Variants in ERC2 observed in about 807,000 individuals in gnomAD.
The protein encoded by ERC2 is ELKS/RAB6-interacting/CAST family member 2.
Under a neutral mutation model 114.8 loss-of-function variants are expected in ERC2, and 42 were observed. The ratio of observed to expected loss-of-function variants is 0.37; its 90% CI spans 0.29 to 0.47. ERC2 has a LOEUF of 0.47. Among genes scored for constraint, ERC2 ranks in the 20% least tolerant of loss-of-function variants. The probability of loss-of-function intolerance (pLI) is 0.99; values close to 1 mark genes in which losing one functional copy is unlikely to be tolerated. For synonymous variants in ERC2, 454 were observed against 425.5 expected, an observed-to-expected ratio of 1.07 and a Z score of -0.82; for missense variants, 939 against 1,150.7, an observed-to-expected ratio of 0.82 and a Z score of 2.66.
At chr3:55,865,355 T>C (rs2062251691) in intron 14 of ERC2, among the ~76,000 whole-genome samples, 1 of 152,200 alleles carries the variant, frequency 6.6e-6, no homozygotes, top group South Asian at 2.1e-4. Context: ...TCATTTTATA[T>C]ATATTCTCCT....
chr3:55,523,730 C>T (rs1394014128), intron 17 of ERC2, among the ~76,000 whole-genome samples: 1 of 152,180 alleles, frequency 6.6e-6, no homozygotes, highest in African/African-American at 2.4e-5. Flanking sequence ...ACACAGTGGG[C>T]ATGCAATAAA....
Position 56,434,679 on chromosome 3 carries a change from G to A in ERC2, c.329C>T (p.Ser110Phe). Reference sequence around the variant, plus strand: ...TGTGTATGAAAGGACATCTGTGTGGGAAAGTCCAGCAGAAGCAATATTGGG... The same window carrying A: ...TGTGTATGAAAGGACATCTGTGTGGAAAAGTCCAGCAGAAGCAATATTGGG... ...SSPNIASAGL[S>F]HTDVLSYTDQ... Residue 110 changes from serine (S) to phenylalanine (F), a missense_variant, in exon 2 of 18, where the codon TCC (serine) becomes TTC (phenylalanine). Ser to Phe is a radical substitution (Grantham distance 155). This residue lies in a region of ERC2 where 281 missense variants were observed against 307.4 expected (regional missense o/e 0.91). Transcript: ENST00000288221. The A allele has an allele frequency of 6.2e-7, 1 of 1,613,974 alleles. No individual in the cohort carries two copies. The highest frequency in any genetic ancestry group is 1.1e-5 in the South Asian group (1 of 91,078).
At chr3:55,665,330 A>C (rs144489150) in intron 17 of ERC2, among the ~76,000 whole-genome samples, 15 of 152,270 alleles carry the variant, frequency 9.9e-5, no homozygotes, top group African/African-American at 3.4e-4. Flanking sequence ...TGATTCATAG[A>C]ATCTTGTTAT....
chr3:55,837,263 C>T (rs1575783789), intron 14 of ERC2, among the ~76,000 whole-genome samples: 3 of 152,172 alleles, frequency 2.0e-5, no homozygotes, highest in African/African-American at 4.8e-5. Flanking sequence ...GGTATATACC[C>T]AAAGGATTAT....
chr3:56,429,130 T>C (rs1024339660), intron 2 of ERC2, among the ~76,000 whole-genome samples: 30 of 152,236 alleles, frequency 2.0e-4, no homozygotes, highest in African/African-American at 7.0e-4. Context: ...TAAAAAGATG[T>C]ATTCACTCCT....
chr3:55,873,822 G>C (rs932083802), intron 14 of ERC2, among the ~76,000 whole-genome samples: 1 of 152,064 alleles, frequency 6.6e-6, no homozygotes, highest in Non-Finnish European at 1.5e-5. Context: ...CACATCTCAG[G>C]GTGCCTTCAG....
At chr3:55,786,273 T>A (rs530279179) in intron 14 of ERC2, among the ~76,000 whole-genome samples, 1 of 152,350 alleles carries the variant, frequency 6.6e-6, no homozygotes, top group East Asian at 1.9e-4. Context: ...CTATATATTT[T>A]AGAAAATATT....
intron 1 of ERC2, among the ~76,000 whole-genome samples, chr3:56,454,572 T>G (rs72875366): frequency 0.039 from 5,972 of 152,162 alleles, 277 homozygotes; most frequent in African/African-American, 0.11. Flanking sequence ...AGTATACACA[T>G]AAAATGGAAT....
At chr3:56,301,855 G>A (rs1397016619) in intron 2 of ERC2, among the ~76,000 whole-genome samples, 1 of 152,148 alleles carries the variant, frequency 6.6e-6, no homozygotes, top group African/African-American at 2.4e-5. Flanking sequence ...GAGGAGAGTA[G>A]TAATTCCTTC....
At chr3:55,664,504 C>T (rs950346131) in intron 17 of ERC2, among the ~76,000 whole-genome samples, 2 of 152,202 alleles carry the variant, frequency 1.3e-5, no homozygotes, top group Non-Finnish European at 2.9e-5. Context: ...GCTCACGAAC[C>T]GCCATCGCTG....
At chr3:55,674,034 G>A (rs1288427961) in intron 17 of ERC2, among the ~76,000 whole-genome samples, 1 of 151,962 alleles carries the variant, frequency 6.6e-6, no homozygotes, top group Non-Finnish European at 1.5e-5. Flanking sequence ...AAACCCAATG[G>A]GCAACAGTGT....
chr3:55,789,697 T>C lies in ERC2; in HGVS notation c.2565-54779A>G, dbSNP rs1211196338. Among the ~76,000 whole-genome samples the C allele has an allele frequency of 2.6e-5, 4 of 152,206 alleles. No individual in the cohort carries two copies. In the East Asian group the frequency reaches 7.7e-4, roughly 29 times the overall value. On this transcript the variant is annotated intron_variant, in intron 14 of 17. Coordinates refer to ENST00000288221, the MANE Select transcript of ERC2 (RefSeq NM_015576.3). ...TGGTCTGAGAAGAAGTCACATGGTA[T>C]GCTGGAAGAGAAAGGCACTACAGAA...
intron 17 of ERC2, among the ~76,000 whole-genome samples, chr3:55,537,325 T>C (rs757397974): frequency 6.6e-5 from 10 of 152,218 alleles, no homozygotes; most frequent in African/African-American, 2.4e-5. Flanking sequence ...AGACGATGGT[T>C]TCCCCCCCTG....
chr3:55,565,158 A>T (rs1420629181), intron 17 of ERC2, among the ~76,000 whole-genome samples: 1 of 152,230 alleles, frequency 6.6e-6, no homozygotes, highest in African/African-American at 2.4e-5. Flanking sequence ...GATTTATATC[A>T]TATAAGAAAA....
In ERC2 at chr3:55,520,019, C is replaced by G. The variant is rs570301268; in HGVS notation, c.*40-8743G>C. Among the ~76,000 whole-genome samples the G allele has an allele frequency of 3.3e-5, 5 of 150,478 alleles. No homozygotes were observed. The South Asian group carries it at 1.1e-3, about 32-fold the overall frequency. On this transcript the variant is annotated intron_variant, in intron 17 of 17. Coordinates refer to ENST00000288221, the MANE Select transcript of ERC2 (RefSeq NM_015576.3). ...GCAGTGAGCCATGATTATGCCACTG[C>G]ACCCCAGCCTGGGTGATAGAGTGAG...
At chr3:55,715,183 C>T (rs1193930706) in intron 15 of ERC2, among the ~76,000 whole-genome samples, 2 of 152,216 alleles carry the variant, frequency 1.3e-5, no homozygotes, top group African/African-American at 4.8e-5. Context: ...TATGCACAAA[C>T]AGCTGGATGG....
In ERC2 at chr3:55,859,961, T is replaced by C. The variant is rs141417554; in HGVS notation, c.2564+28428A>G. On this transcript the variant is annotated intron_variant, in intron 14 of 17. Coordinates refer to ENST00000288221, the MANE Select transcript of ERC2 (RefSeq NM_015576.3). ...TTCAGAGAGTAGAAAAGGTTTTTTA[T>C]CCCAAGCCTCCTACTATTCATCTTC... 2.9e-3 allele frequency among the ~76,000 whole-genome samples: 440 copies of C among 152,224 alleles called. 3 individuals carry two copies. Among genetic ancestry groups the C allele is most frequent in the African/African-American group, 0.01 (416 of 41,526 alleles).
At chr3:55,703,189 C>T (rs2063313425) in intron 15 of ERC2, among the ~76,000 whole-genome samples, 1 of 152,162 alleles carries the variant, frequency 6.6e-6, no homozygotes, top group African/African-American at 2.4e-5. Context: ...ATTTCTGTTC[C>T]TCCCTGGATT....
intron 14 of ERC2, among the ~76,000 whole-genome samples, chr3:55,810,473 T>A (rs905980803): frequency 2.6e-5 from 4 of 152,102 alleles, no homozygotes; most frequent in African/African-American, 9.7e-5. Flanking sequence ...CTCTTTTTTT[T>A]TTTGTTTGAG....
Sources: allele counts gnomAD v4.1 joint callset (sites outside exome capture counted in the v4.1 genomes callset), GRCh38; gene constraint gnomAD v4.1.1; regional missense constraint gnomAD v4.1.1; transcripts MANE v1.5; gene names NCBI Gene and HGNC (gene_info 2026-07-23, HGNC 2026-07-21).